Variants in DCAF6 observed in about 807,000 individuals in gnomAD.
DCAF6 encodes DDB1 and CUL4 associated factor 6.
In DCAF6, 54 loss-of-function variants were observed where a neutral mutation model predicts 125.1. The ratio of observed to expected loss-of-function variants is 0.43; its 90% CI spans 0.35 to 0.54. The LOEUF (loss-of-function observed/expected upper bound fraction) is 0.54, where lower values mean the gene tolerates loss of function less well. Ranked by LOEUF, DCAF6 falls within the 20% of genes least tolerant of loss-of-function variation. The pLI is 0.01. For synonymous variants in DCAF6, 371 were observed against 390.4 expected (o/e 0.95, Z 0.58); for missense variants, 934 against 1,161.7 (o/e 0.80, Z 2.85).
At chr1:167,994,174 C>A (rs183931508) in intron 7 of DCAF6, among the ~76,000 whole-genome samples, 17 of 151,748 alleles carry the variant, frequency 1.1e-4, no homozygotes, top group Non-Finnish European at 2.5e-4. Context: ...TTTCTAAAAC[C>A]TTATCCCTAA....
At chr1:167,920,037 A>G in the DCAF6 span, 1 of 1,613,734 alleles carries the variant, frequency 6.2e-7, no homozygotes, top group Non-Finnish European at 8.5e-7. Flanking sequence ...TTAACAGCAA[A>G]CAGACTCCAA....
chr1:167,900,538 G>A, the DCAF6 span, among the ~76,000 whole-genome samples: 1 of 151,674 alleles, frequency 6.6e-6, no homozygotes, highest in Admixed American at 6.6e-5. Context: ...ACTTATTTGG[G>A]CTTTTTTTTT....
At chr1:168,001,264 T>C (rs943563686) in intron 7 of DCAF6, among the ~76,000 whole-genome samples, 4 of 151,702 alleles carry the variant, frequency 2.6e-5, no homozygotes, top group African/African-American at 9.7e-5. Context: ...TGCAATCCAG[T>C]CTGGAGAAGA....
At chr1:167,885,374 C>G in the DCAF6 span, among the ~76,000 whole-genome samples, 9 of 152,114 alleles carry the variant, frequency 5.9e-5, no homozygotes, top group African/African-American at 2.2e-4. Context: ...AACTGTTCTC[C>G]AAGGTGGCTG....
chr1:167,907,787 T>C, the DCAF6 span, among the ~76,000 whole-genome samples: 3 of 152,220 alleles, frequency 2.0e-5, no homozygotes, highest in Non-Finnish European at 2.9e-5. Flanking sequence ...AATGTATATA[T>C]TGACTTTAAG....
At chr1:167,881,163 T>C in the DCAF6 span, among the ~76,000 whole-genome samples, 13 of 152,250 alleles carry the variant, frequency 8.5e-5, no homozygotes, top group Non-Finnish European at 1.9e-4. Flanking sequence ...TTGCAGATAC[T>C]GTTATTCTTA....
At position 168,058,556 on chromosome 1, in the gene DCAF6, G is replaced by A. The variant is rs561834501; in HGVS notation, c.2301-5065G>A. ...CTCATGTTTTTCAGCCTGATCTCCT[G>A]ATCTGGTTTTTTGTTTGTTTGTTTG... is the stretch of plus-strand genomic sequence containing the variant. On this transcript the variant is annotated intron_variant, in intron 17 of 21. Coordinates refer to ENST00000367840, the MANE Select transcript of DCAF6 (RefSeq NM_001198956.2). 9.9e-5 allele frequency among the ~76,000 whole-genome samples: 15 copies of A among 152,080 alleles called. No individual in the cohort carries two copies. In the East Asian group the frequency reaches 2.9e-3, roughly 29 times the overall value.
chr1:168,019,727 A>G (rs954266807), intron 11 of DCAF6: 18 of 204,526 alleles, frequency 8.8e-5, no homozygotes, highest in Admixed American at 8.5e-4. Context: ...AGTAATTTTT[A>G]TACCCCAAAA....
intron 4 of DCAF6, among the ~76,000 whole-genome samples, chr1:167,976,844 T>A (rs1387274088): frequency 2.0e-5 from 3 of 151,312 alleles, no homozygotes; most frequent in African/African-American, 7.3e-5. Flanking sequence ...TCACACATTT[T>A]CCATGTTGTA....
chr1:167,902,666 G>T, the DCAF6 span, among the ~76,000 whole-genome samples: 1 of 152,180 alleles, frequency 6.6e-6, no homozygotes, highest in Non-Finnish European at 1.5e-5. Context: ...ATTAAATTTT[G>T]TCTAGTGGGT....
chr1:168,057,353 A>G (rs574007070), intron 17 of DCAF6, among the ~76,000 whole-genome samples: 3 of 152,304 alleles, frequency 2.0e-5, no homozygotes, highest in Non-Finnish European at 4.4e-5. Context: ...GTAACTTCAT[A>G]CTTTAACCTT....
At chr1:168,037,124 G>A (rs1347103708) in intron 12 of DCAF6, among the ~76,000 whole-genome samples, 9 of 124,574 alleles carry the variant, frequency 7.2e-5, no homozygotes, top group Non-Finnish European at 8.1e-5. Context: ...TTTTTTTTGA[G>A]ATGAGGTCTC....
chr1:167,905,017 C>A, the DCAF6 span: 1 of 1,614,198 alleles, frequency 6.2e-7, no homozygotes, highest in Non-Finnish European at 8.5e-7. Flanking sequence ...AACATCAGGA[C>A]TCCGTCAAAA....
intron 12 of DCAF6, among the ~76,000 whole-genome samples, chr1:168,034,699 T>C (rs1005006378): frequency 3.9e-5 from 6 of 152,188 alleles, no homozygotes; most frequent in African/African-American, 4.8e-5. Flanking sequence ...ATTATAGTTA[T>C]TAATATGATA....
rs528475346 is a variant in DCAF6 at position 167,977,075 on chromosome 1, AT to A, written c.438+2068del. 6.5e-4 allele frequency among the ~76,000 whole-genome samples: 97 copies of A among 148,286 alleles called. 1 individual carries two copies. In the South Asian group the frequency reaches 0.015, roughly 23 times the overall value. On this transcript the variant is annotated intron_variant, in intron 4 of 21. Transcript: ENST00000367840. ...TACCACCACTCCTGGCTAATTTTGTATTTTTTTTAGGAGAGATGGGGTTTCT... is the reference window on the plus strand; with the variant it reads ...TACCACCACTCCTGGCTAATTTTGTATTTTTTTAGGAGAGATGGGGTTTCT...
At chr1:167,926,661 G>C in the DCAF6 span, among the ~76,000 whole-genome samples, 1 of 152,194 alleles carries the variant, frequency 6.6e-6, no homozygotes. Flanking sequence ...CTAGTGGGTA[G>C]AGGCCTGGGA....
chr1:167,883,488 A>G, the DCAF6 span: 7 of 1,614,266 alleles, frequency 4.3e-6, no homozygotes, highest in Non-Finnish European at 5.1e-6. Flanking sequence ...TCTTCAGGAC[A>G]GAAGTGATGT....
chr1:167,919,129 AT>A, the DCAF6 span, among the ~76,000 whole-genome samples: 1 of 152,358 alleles, frequency 6.6e-6, no homozygotes, highest in African/African-American at 2.4e-5. Context: ...CTAAAGTAAA[AT>A]ATACTTCTAA....
At chr1:167,901,563 C>T in the DCAF6 span, 1 of 1,248,824 alleles carries the variant, frequency 8.0e-7, no homozygotes, top group South Asian at 1.2e-5. Context: ...TGGGGCTGAG[C>T]CACCATGTTC....
Sources: allele counts gnomAD v4.1 joint callset (sites outside exome capture counted in the v4.1 genomes callset), GRCh38; gene constraint gnomAD v4.1.1; transcripts MANE v1.5; gene names NCBI Gene and HGNC (gene_info 2026-07-23, HGNC 2026-07-21).